Variants in ZNF385D observed in about 807,000 individuals in gnomAD.
ZNF385D encodes the protein zinc finger protein 659.
In ZNF385D, 15 loss-of-function variants were observed where a neutral mutation model predicts 35.8. The ratio of observed to expected loss-of-function variants is 0.42; its 90% confidence interval spans 0.28 to 0.64. ZNF385D has a LOEUF of 0.64. Among genes scored for constraint, ZNF385D ranks in the 30% least tolerant of loss-of-function variants. ZNF385D has a pLI of 0.23. For missense variants in ZNF385D, 474 were observed against 494.6 expected, an observed-to-expected ratio of 0.96 and a Z score of 0.39; for synonymous variants, 212 against 186.8, an observed-to-expected ratio of 1.13 and a Z score of -1.10.
intron 3 of ZNF385D, among the ~76,000 whole-genome samples, chr3:21,828,692 C>T (rs1165039196): frequency 1.3e-5 from 2 of 152,300 alleles, no homozygotes; most frequent in South Asian, 2.1e-4. Context: ...ATTACTACAA[C>T]CTTAGTGGCT....
At chr3:21,872,274 C>A (rs1180527231) in intron 3 of ZNF385D, among the ~76,000 whole-genome samples, 1 of 152,084 alleles carries the variant, frequency 6.6e-6, no homozygotes, top group African/African-American at 2.4e-5. Flanking sequence ...AGGTTTGTTT[C>A]CATTTGAGCA....
chr3:21,777,218 A>G (rs928928237), intron 3 of ZNF385D, among the ~76,000 whole-genome samples: 1 of 152,008 alleles, frequency 6.6e-6, no homozygotes, highest in African/African-American at 2.4e-5. Flanking sequence ...TTGCATTTTG[A>G]TAAATCCACT....
At chr3:22,074,739 C>A (rs79099391) in intron 3 of ZNF385D, among the ~76,000 whole-genome samples, 1 of 151,794 alleles carries the variant, frequency 6.6e-6, no homozygotes, top group Non-Finnish European at 1.5e-5. Context: ...CCTGGTCTTC[C>A]CGACACTGTT....
intron 2 of ZNF385D, among the ~76,000 whole-genome samples, chr3:22,253,249 G>A (rs1700151007): frequency 1.3e-5 from 2 of 151,956 alleles, no homozygotes; most frequent in African/African-American, 4.8e-5. Context: ...TAAACGGATA[G>A]ATTTTAATGG....
chr3:22,303,462 C>G (rs953495504), intron 2 of ZNF385D, among the ~76,000 whole-genome samples: 2 of 152,158 alleles, frequency 1.3e-5, no homozygotes, highest in African/African-American at 4.8e-5. Flanking sequence ...TGCTTTACAA[C>G]TGGTTCACTT....
chr3:21,796,640 G>A (rs2072165660), intron 3 of ZNF385D, among the ~76,000 whole-genome samples: 1 of 152,086 alleles, frequency 6.6e-6, no homozygotes, highest in African/African-American at 2.4e-5. Flanking sequence ...AGACATAAAT[G>A]TAAAATACAA....
chr3:21,719,953 C>G (rs964841711), intron 1 of ZNF385D, among the ~76,000 whole-genome samples: 5 of 152,190 alleles, frequency 3.3e-5, no homozygotes, highest in Non-Finnish European at 7.3e-5. Context: ...GATGATTTCA[C>G]TTCTCTTGGC....
At chr3:21,811,419 A>C (rs1348903407) in intron 3 of ZNF385D, among the ~76,000 whole-genome samples, 1 of 152,194 alleles carries the variant, frequency 6.6e-6, no homozygotes, top group African/African-American at 2.4e-5. Flanking sequence ...GGTCAAAAGA[A>C]AGTAGAAAGT....
intron 1 of ZNF385D, among the ~76,000 whole-genome samples, chr3:21,729,525 T>A (rs918402591): frequency 6.6e-6 from 1 of 152,122 alleles, no homozygotes; most frequent in East Asian, 1.9e-4. Context: ...TCCACTAGAA[T>A]TGAGGTTTCT....
intron 2 of ZNF385D, among the ~76,000 whole-genome samples, chr3:21,648,537 A>G (rs2065820919): frequency 6.6e-6 from 1 of 152,210 alleles, no homozygotes; most frequent in Admixed American, 6.5e-5. Flanking sequence ...GGGAAGAAAG[A>G]TGGGAGAATC....
rs1381512225 is a variant in ZNF385D, at chr3:21,420,623, A to G, written c.*591T>C. The G allele has an allele frequency of 1.3e-5, 2 of 152,296 alleles. No homozygotes were observed. Among genetic ancestry groups the G allele is most frequent in the Non-Finnish European group, 2.9e-5 (2 of 68,132 alleles). 9.4% of individuals were successfully genotyped at this position (152,296 alleles called of 1,614,324 possible). A position where few individuals can be genotyped will look rare whatever the true frequency, so the allele number is the denominator to read the frequency against. ...AATAGTTGTTCATTCTACCTTTGCA[A>G]TTCTTTAAAACCTAGTGGCATAGAT... On this transcript the variant is annotated 3_prime_UTR_variant, in exon 8 of 8. Transcript: ENST00000281523.
chr3:22,334,238 T>C (rs1007244441), intron 2 of ZNF385D, among the ~76,000 whole-genome samples: 2 of 152,180 alleles, frequency 1.3e-5, no homozygotes, highest in African/African-American at 2.4e-5. Flanking sequence ...TTCTCACCTT[T>C]TTTGAATTGC....
At chr3:22,108,236 C>T (rs1702327149) in intron 3 of ZNF385D, among the ~76,000 whole-genome samples, 1 of 152,082 alleles carries the variant, frequency 6.6e-6, no homozygotes, top group South Asian at 2.1e-4. Context: ...TTTTACTTTG[C>T]TTTATTTACA....
chr3:22,321,842 T>C (rs775711515), intron 2 of ZNF385D, among the ~76,000 whole-genome samples: 35 of 152,196 alleles, frequency 2.3e-4, no homozygotes, highest in Non-Finnish European at 5.0e-4. Context: ...TGTGCTTTTC[T>C]GTTCTTTGAA....
At chr3:21,511,665 G>A (rs745816205) in intron 3 of ZNF385D, 23 of 455,178 alleles carry the variant, frequency 5.1e-5, no homozygotes, top group South Asian at 7.8e-5. Context: ...TTTTTTCAGC[G>A]CATGGATCTT....
chr3:22,114,723 G>C (rs759521059), intron 3 of ZNF385D, among the ~76,000 whole-genome samples: 2 of 152,068 alleles, frequency 1.3e-5, no homozygotes, highest in Non-Finnish European at 2.9e-5. Flanking sequence ...ATAGTTATTA[G>C]TAAATTGCTA....
Position 21,952,491 on chromosome 3 carries a change from A to G in ZNF385D, c.325+216326T>C, listed in dbSNP as rs367598078. Among the ~76,000 whole-genome samples the G allele has an allele frequency of 2.0e-5, 3 of 152,018 alleles. No individual in the cohort carries two copies. In the South Asian group the frequency reaches 6.2e-4, roughly 32 times the overall value. ...TAAAATGTGAAAAAAAATGGACTAT[A>G]CTTTTAAGGTCAAATGGCCTGGGTT... On this transcript the variant is annotated intron_variant, in intron 3 of 5. Transcript: ENST00000494108.
chr3:21,730,530 T>A (rs1387919788), intron 1 of ZNF385D, among the ~76,000 whole-genome samples: 3 of 152,158 alleles, frequency 2.0e-5, no homozygotes, highest in Non-Finnish European at 4.4e-5. Context: ...CCACATACAG[T>A]TTAGAGCATC....
At position 22,216,159 on chromosome 3, in the gene ZNF385D, A is replaced by G. The variant is rs139215865; in HGVS notation, c.107-47124T>C. On this transcript the variant is annotated intron_variant, in intron 2 of 5. Coordinates refer to the ZNF385D transcript ENST00000494108. Reference sequence around the variant, plus strand: ...TTCCTCTGAAACAGATATTTCAGGAAAGTCTGACTTTGATCACTTTGTCTC... The same window carrying G: ...TTCCTCTGAAACAGATATTTCAGGAGAGTCTGACTTTGATCACTTTGTCTC... Among the ~76,000 whole-genome samples, 234 of 152,156 alleles carry G rather than the reference A, an allele frequency of 1.5e-3. 2 individuals carry two copies. Among genetic ancestry groups the G allele is most frequent in the African/African-American group, 5.2e-3 (218 of 41,550 alleles).
Sources: gnomAD v4.1 joint callset for allele counts (sites outside exome capture counted in the v4.1 genomes callset) on GRCh38, gnomAD v4.1.1 for gene constraint, MANE v1.5 for transcripts, NCBI Gene and HGNC (gene_info 2026-07-23, HGNC 2026-07-21) for gene names.